CCDC88A: variants seen among roughly 807,000 people sequenced by gnomAD.
CCDC88A encodes the protein girdin.
In CCDC88A, 54 loss-of-function variants were observed where a neutral mutation model predicts 234.3. The ratio of observed to expected loss-of-function variants is 0.23; its 90% CI spans 0.19 to 0.29. The LOEUF is 0.29. Among genes scored for constraint, CCDC88A ranks in the 10% least tolerant of loss-of-function variants. The probability of loss-of-function intolerance (pLI) is 1.00; values close to 1 mark genes in which losing one functional copy is unlikely to be tolerated. For synonymous variants in CCDC88A, 753 were observed against 737.8 expected (o/e 1.02, Z -0.33); for missense variants, 1,832 against 2,123.4 (o/e 0.86, Z 2.70).
At chr2:55,357,748 T>C (rs777211479) in intron 7 of CCDC88A, among the ~76,000 whole-genome samples, 3 of 152,188 alleles carry the variant, frequency 2.0e-5, no homozygotes, top group Non-Finnish European at 4.4e-5. Flanking sequence ...AGAATTCATT[T>C]CTTTATCCTC....
chr2:55,342,767 A>G (rs1668668721), intron 12 of CCDC88A, among the ~76,000 whole-genome samples: 1 of 152,174 alleles, frequency 6.6e-6, no homozygotes, highest in Non-Finnish European at 1.5e-5. Flanking sequence ...AGAGGTAATT[A>G]TTCTGTAAGC....
chr2:55,313,996 T>A (rs1272671467), intron 22 of CCDC88A: 1 of 152,210 alleles, frequency 6.6e-6, no homozygotes, highest in African/African-American at 2.4e-5. Flanking sequence ...AGAAGTGGAA[T>A]CTATTTTCCT....
At chr2:55,375,505 ATATATATGTATG>A (rs574177277) in intron 3 of CCDC88A, among the ~76,000 whole-genome samples, 4,746 of 17,554 alleles carry the variant, frequency 0.27, 190 homozygotes, top group Non-Finnish European at 0.31. Flanking sequence ...ATATATATAT[ATATATATGTATG>A]TATGTATAAA....
intron 4 of CCDC88A, among the ~76,000 whole-genome samples, chr2:55,373,533 T>C (rs1315027976): frequency 1.3e-5 from 2 of 152,228 alleles, no homozygotes. Flanking sequence ...TACATATTTT[T>C]ACTTCATACT....
intron 12 of CCDC88A, among the ~76,000 whole-genome samples, chr2:55,340,680 C>T (rs1225318495): frequency 6.6e-6 from 1 of 152,044 alleles, no homozygotes; most frequent in African/African-American, 2.4e-5. Context: ...CTTATTTTGG[C>T]TAAAAGTTCA....
intron 12 of CCDC88A, among the ~76,000 whole-genome samples, chr2:55,343,240 T>G (rs542530529): frequency 1.4e-3 from 214 of 152,246 alleles, no homozygotes; most frequent in Non-Finnish European, 2.7e-3. Flanking sequence ...AACTATATTT[T>G]CCTCTGAAAA....
At chr2:55,367,546 G>A (rs1672203533) in intron 5 of CCDC88A, among the ~76,000 whole-genome samples, 1 of 12,106 alleles carries the variant, frequency 8.3e-5, no homozygotes, top group African/African-American at 2.1e-3. Flanking sequence ...TTAAGAGACT[G>A]GGTCTTGCTA....
chr2:55,415,332 A>G (rs748798209), intron 2 of CCDC88A, among the ~76,000 whole-genome samples: 2 of 152,102 alleles, frequency 1.3e-5, no homozygotes, highest in East Asian at 3.9e-4. Flanking sequence ...GTATACAAAC[A>G]TATTTCTACT....
Position 55,322,696 on chromosome 2 carries a change from A to T in CCDC88A, c.2998-4T>A, listed in dbSNP as rs770468370. The stretch of plus-strand genomic sequence containing the variant: ...GAGCTTCATAATTTTTTTTCACCTA[A>T]AATTTTATTTAAAATATTTTAATGG... On this transcript the variant is annotated splice_region_variant and splice_polypyrimidine_tract_variant and intron_variant, in intron 17 of 32. Coordinates refer to ENST00000436346, the MANE Select transcript of CCDC88A (RefSeq NM_001365480.1). 6.8e-7 allele frequency: 1 copy of T among 1,470,254 alleles called. No homozygotes were observed. Among genetic ancestry groups the T allele is most frequent in the South Asian group, 1.4e-5 (1 of 71,810 alleles). 91.1% of individuals were successfully genotyped at this position (1,470,254 alleles called of 1,614,324 possible). A position where few individuals can be genotyped will look rare whatever the true frequency, so the allele number is the denominator to read the frequency against.
rs745875524 is a variant in CCDC88A at position 55,302,044 on chromosome 2, G to A, written c.4500C>T (p.Val1500=). Residue 1500 remains valine (V), a synonymous_variant, in exon 27 of 33, where the codon GTC becomes GTT. Transcript: ENST00000436346. ...MSMNDLVQSM[V]LAGQWTGSTE... is the part of the protein sequence containing the mutation. ...TACTACCTGTCCACTGTCCTGCTAG[G>A]ACCATGGACTGCACCAGGTCATTCA... 1.2e-6 allele frequency: 2 copies of A among 1,614,088 alleles called. No homozygotes were observed. The highest frequency in any genetic ancestry group is 2.2e-5 in the East Asian group (1 of 44,882).
At position 55,334,987 on chromosome 2, in the gene CCDC88A, G is replaced by T. The variant is rs761856601; in HGVS notation, c.1834C>A (p.Gln612Lys). 6.3e-7 allele frequency: 1 copy of T among 1,589,626 alleles called. No homozygotes were observed. The highest frequency in any genetic ancestry group is 8.6e-7 in the Non-Finnish European group (1 of 1,167,608). The change falls in exon 15 of 33, where the codon CAA becomes AAA. Residue 612 changes from glutamine (Q) to lysine (K), a missense_variant. Transcript: ENST00000436346. This position sits in a 1 kb window ranked among gnomAD's most constrained non-coding sequence, Gnocchi z 6.1. ...TAATGTTCCAATTCTTTTTTAATTT[G>T]TCTTTTTTCAAATTCAATCTTGCTT... ...KLSKIEFEKR[Q>K]IKKELEHYKE...
chr2:55,333,150 T>A (rs564127011), intron 15 of CCDC88A, among the ~76,000 whole-genome samples: 1 of 152,222 alleles, frequency 6.6e-6, no homozygotes, highest in Non-Finnish European at 1.5e-5. Flanking sequence ...AGGAACTTGT[T>A]GTTCATGTTT....
At chr2:55,336,212 A>C in intron 14 of CCDC88A, among the ~76,000 whole-genome samples, 1 of 152,246 alleles carries the variant, frequency 6.6e-6, no homozygotes, top group East Asian at 1.9e-4. Context: ...AAATATTTCA[A>C]AAATAAGTCA....
intron 3 of CCDC88A, among the ~76,000 whole-genome samples, chr2:55,375,503 ATATATATATG>A (rs1673515228): frequency 3.8e-5 from 1 of 26,008 alleles, no homozygotes; most frequent in Non-Finnish European, 9.7e-5. Flanking sequence ...ATATATATAT[ATATATATATG>A]TATGTATGTA....
At chr2:55,297,663 G>A (rs184347915) in intron 29 of CCDC88A, among the ~76,000 whole-genome samples, 3 of 151,144 alleles carry the variant, frequency 2.0e-5, no homozygotes, top group Admixed American at 6.6e-5. Flanking sequence ...TGCCCACCTC[G>A]GCCTCACAAA....
intron 5 of CCDC88A, among the ~76,000 whole-genome samples, chr2:55,366,301 G>A (rs2104797741): frequency 6.6e-6 from 1 of 152,210 alleles, no homozygotes; most frequent in African/African-American, 2.4e-5. Context: ...TGAGGCAGCT[G>A]GATCACCTGA....
At position 55,328,758 on chromosome 2, in the gene CCDC88A, GT is replaced by G. The variant is rs1275476698; in HGVS notation, c.2856-324del. On this transcript the variant is annotated intron_variant, in intron 16 of 32. Transcript: ENST00000436346. This position sits in a 1 kb window ranked among gnomAD's most constrained non-coding sequence, Gnocchi z 4.3. Reference sequence around the variant, plus strand: ...AATGAAGACTCCTTTGTTTTGTTTTGTTTTGTTTTGTTTTGTTTTGTTTTGT... The same window carrying G: ...AATGAAGACTCCTTTGTTTTGTTTTGTTTGTTTTGTTTTGTTTTGTTTTGT... The G allele has an allele frequency of 1.4e-5, 2 of 141,458 alleles. No homozygotes were observed. The highest frequency in any genetic ancestry group is 2.7e-5 in the Non-Finnish European group (2 of 73,564). The allele number at this position is 141,458 out of a possible 1,614,324, so 8.8% of individuals were successfully genotyped here.
intron 31 of CCDC88A, chr2:55,292,489 T>C (rs1679542662): frequency 6.6e-6 from 1 of 152,240 alleles, no homozygotes; most frequent in African/African-American, 2.4e-5. Context: ...TATTGTTTTT[T>C]TTCTTAAATG....
intron 5 of CCDC88A, among the ~76,000 whole-genome samples, chr2:55,369,302 A>G (rs988374107): frequency 1.3e-5 from 2 of 152,026 alleles, no homozygotes; most frequent in Non-Finnish European, 2.9e-5. Context: ...CCAAGTGCTG[A>G]GATTACAGGT....
Sources: allele counts gnomAD v4.1 joint callset (sites outside exome capture counted in the v4.1 genomes callset), GRCh38; gene constraint gnomAD v4.1.1; non-coding constraint Gnocchi (gnomAD v3.1); transcripts MANE v1.5; gene names NCBI Gene and HGNC (gene_info 2026-07-23, HGNC 2026-07-21).